The following MLIP variants were observed in gnomAD, a reference collection of about 807,000 sequenced individuals.
MLIP encodes the protein muscular LMNA-interacting protein.
MLIP carries 79 observed loss-of-function variants against 84.8 expected under a neutral mutation model. The observed-to-expected ratio is 0.93, with a 90% CI of 0.78 to 1.12. MLIP has a LOEUF of 1.12. Among genes scored for constraint, MLIP ranks in the 50% most tolerant of loss-of-function variants. The pLI is 0.00. For missense variants in MLIP, 1,257 were observed against 1,160.6 expected (o/e 1.08, Z -1.21); for synonymous variants, 504 against 463.0 (o/e 1.09, Z -1.14).
intron 11 of MLIP, among the ~76,000 whole-genome samples, chr6:54,226,232 C>T (rs1347663140): frequency 6.6e-6 from 1 of 152,202 alleles, no homozygotes; most frequent in African/African-American, 2.4e-5. Context: ...AACAGGATTT[C>T]TGGCCTGGGG....
intron 9 of MLIP, 21 bp from the exon 10 acceptor site, chr6:54,189,849 T>A (rs781659067): frequency 5.8e-6 from 9 of 1,563,510 alleles, no homozygotes; most frequent in African/African-American, 1.3e-5. Context: ...CACTAATAAA[T>A]GCCATGTTTA....
intron 1 of MLIP, among the ~76,000 whole-genome samples, chr6:54,061,228 C>T (rs574441047): frequency 1.6e-4 from 24 of 152,020 alleles, no homozygotes; most frequent in Non-Finnish European, 3.1e-4. Context: ...ACAATTCGCT[C>T]AGGAAGGAGA....
At chr6:54,085,257 A>G (rs1767408332) in intron 1 of MLIP, among the ~76,000 whole-genome samples, 1 of 152,174 alleles carries the variant, frequency 6.6e-6, no homozygotes, top group Non-Finnish European at 1.5e-5. Flanking sequence ...ATTGAGAAAC[A>G]TTGTGTGACA....
chr6:54,024,876 C>T (rs1166897100), intron 1 of MLIP, among the ~76,000 whole-genome samples: 8 of 151,994 alleles, frequency 5.3e-5, no homozygotes, highest in South Asian at 2.1e-4. Flanking sequence ...CTCACTCTGT[C>T]GCCCAGGCTG....
chr6:54,252,219 C>CTATAA (rs1281216254), intron 12 of MLIP, among the ~76,000 whole-genome samples: 1 of 103,280 alleles, frequency 9.7e-6, no homozygotes, highest in African/African-American at 4.3e-5. Flanking sequence ...TAATATATAA[C>CTATAA]TATATTATAA....
chr6:54,041,579 C>G lies in MLIP; in HGVS notation c.63+22488C>G, dbSNP rs149716824. ...GAGTTCCAGTTGGTCTACATCTCTACCCACACTTGATATTTTCAATATTTT... is the reference window on the plus strand; with the variant it reads ...GAGTTCCAGTTGGTCTACATCTCTAGCCACACTTGATATTTTCAATATTTT... On this transcript the variant is annotated intron_variant, in intron 1 of 12. Coordinates refer to the MLIP transcript ENST00000274897. 2.3e-3 allele frequency among the ~76,000 whole-genome samples: 354 copies of G among 152,204 alleles called. 3 individuals carry two copies. The highest frequency in any genetic ancestry group is 8.0e-3 in the African/African-American group (334 of 41,542).
At chr6:54,041,100 A>T (rs1440511083) in intron 1 of MLIP, 1 of 152,024 alleles carries the variant, frequency 6.6e-6, no homozygotes, top group South Asian at 2.1e-4. Flanking sequence ...AAAATCTGTC[A>T]TGGAGACAAA....
At chr6:54,236,236 ATCC>A (rs1781351835) in intron 12 of MLIP, among the ~76,000 whole-genome samples, 2 of 151,366 alleles carry the variant, frequency 1.3e-5, no homozygotes, top group South Asian at 4.2e-4. Flanking sequence ...AGAAATTCGA[ATCC>A]TCTATGTTCC....
intron 1 of MLIP, among the ~76,000 whole-genome samples, chr6:54,047,902 C>T (rs1220003093): frequency 6.6e-6 from 1 of 152,184 alleles, no homozygotes; most frequent in African/African-American, 2.4e-5. Context: ...CAAGATCATA[C>T]AATGTACTAT....
chr6:54,109,856 T>C (rs1258705183), upstream of MLIP, among the ~76,000 whole-genome samples: 2 of 152,168 alleles, frequency 1.3e-5, no homozygotes, highest in East Asian at 3.9e-4. Context: ...GGGATTTATG[T>C]GTGCAGTAGT....
At chr6:54,214,565 GATTA>G (rs2067014638) in intron 11 of MLIP, among the ~76,000 whole-genome samples, 1 of 152,106 alleles carries the variant, frequency 6.6e-6, no homozygotes, top group African/African-American at 2.4e-5. Flanking sequence ...TTCTTACTCT[GATTA>G]ATTATGTTCT....
At chr6:54,126,396 A>C (rs970364194) in intron 3 of MLIP, among the ~76,000 whole-genome samples, 26 of 152,084 alleles carry the variant, frequency 1.7e-4, no homozygotes, top group Non-Finnish European at 2.6e-4. Context: ...TATTTTTTCC[A>C]AAAAAGGTTA....
intron 12 of MLIP, among the ~76,000 whole-genome samples, chr6:54,244,170 G>C (rs904895177): frequency 1.3e-5 from 2 of 152,054 alleles, no homozygotes; most frequent in Non-Finnish European, 2.9e-5. Context: ...TGTATGATTA[G>C]AAATCCGTGT....
chr6:54,136,433 G>A (rs992206038), intron 3 of MLIP, among the ~76,000 whole-genome samples: 1 of 152,160 alleles, frequency 6.6e-6, no homozygotes, highest in Non-Finnish European at 1.5e-5. Context: ...TATTTTAGAT[G>A]CTGTCAACGA....
intron 3 of MLIP, 34 bp downstream of exon 3, chr6:54,124,899 A>T (rs771012696): frequency 1.3e-5 from 20 of 1,523,142 alleles, no homozygotes; most frequent in Non-Finnish European, 1.6e-5. Context: ...CATAAGGAAA[A>T]AAAAAGCGTT....
At chr6:54,161,259 A>G (rs1774611656) in intron 8 of MLIP, among the ~76,000 whole-genome samples, 1 of 151,920 alleles carries the variant, frequency 6.6e-6, no homozygotes, top group African/African-American at 2.4e-5. Flanking sequence ...GCTTTAACGG[A>G]AGTATTATTT....
At position 54,140,098 on chromosome 6, in the gene MLIP, A is replaced by T. The variant is rs73741447; in HGVS notation, c.2217+1812A>T. 5.7e-3 allele frequency among the ~76,000 whole-genome samples: 862 copies of T among 152,294 alleles called. 14 individuals are homozygous for T. The highest frequency in any genetic ancestry group is 0.019 in the African/African-American group (780 of 41,584). ...TATAAAATTTATTTGTAGAGTATTTAAAACGAACTCACAATCTAATCATTA... is the reference window on the plus strand; with the variant it reads ...TATAAAATTTATTTGTAGAGTATTTTAAACGAACTCACAATCTAATCATTA... On this transcript the variant is annotated intron_variant, in intron 4 of 13. Coordinates refer to ENST00000502396, the MANE Select transcript of MLIP (RefSeq NM_001281747.2).
intron 13 of MLIP, among the ~76,000 whole-genome samples, chr6:54,263,440 A>G (rs571369927): frequency 6.6e-6 from 1 of 152,084 alleles, no homozygotes; most frequent in Admixed American, 6.6e-5. Flanking sequence ...TCTTTCAGGA[A>G]AAAAAAAGAA....
chr6:54,054,959 C>T (rs772597357), intron 1 of MLIP, among the ~76,000 whole-genome samples: 13 of 151,848 alleles, frequency 8.6e-5, no homozygotes, highest in Non-Finnish European at 1.5e-4. Context: ...TTGATCTCGG[C>T]TCACTACAAG....
Sources: gnomAD v4.1 joint callset for allele counts (sites outside exome capture counted in the v4.1 genomes callset) on GRCh38, gnomAD v4.1.1 for gene constraint, MANE v1.5 for transcripts, NCBI Gene and HGNC (gene_info 2026-07-23, HGNC 2026-07-21) for gene names.